Variants in TPTE2 observed in about 807,000 individuals in gnomAD.
The protein encoded by TPTE2 is phosphatidylinositol 3,4,5-trisphosphate 3-phosphatase TPTE2.
TPTE2 carries 53 observed loss-of-function variants against 78.6 expected under a neutral mutation model. That is an observed-to-expected ratio of 0.67 (90% CI 0.54 to 0.85). The LOEUF is 0.85. Among genes scored for constraint, TPTE2 ranks in the 40% least tolerant of loss-of-function variants. The pLI, the probability that TPTE2 is intolerant of heterozygous loss-of-function variation, is 0.00. For missense variants in TPTE2, 461 were observed against 623.0 expected, an observed-to-expected ratio of 0.74 and a Z score of 2.77; for synonymous variants, 175 against 206.2, an observed-to-expected ratio of 0.85 and a Z score of 1.30.
chr13:19,546,218 A>C, the TPTE2 span, among the ~76,000 whole-genome samples: 1 of 152,034 alleles, frequency 6.6e-6, no homozygotes, highest in African/African-American at 2.4e-5. Context: ...AGAAAAAAAA[A>C]CCTGTGCACG....
chr13:19,553,976 A>G, the TPTE2 span, among the ~76,000 whole-genome samples: 4 of 152,250 alleles, frequency 2.6e-5, no homozygotes, highest in African/African-American at 7.2e-5. Context: ...ATGAATAACA[A>G]TATCTATCCC....
chr13:19,529,702 C>T (rs1446513723), intron 1 of TPTE2, among the ~76,000 whole-genome samples: 4 of 152,128 alleles, frequency 2.6e-5, no homozygotes, highest in Non-Finnish European at 4.4e-5. Flanking sequence ...CAGAGTTCAG[C>T]GGCCTAAATC....
the TPTE2 span, among the ~76,000 whole-genome samples, chr13:19,559,391 C>A: frequency 6.6e-6 from 1 of 152,252 alleles, no homozygotes; most frequent in Non-Finnish European, 1.5e-5. Context: ...CCTGGCCAAA[C>A]CCAAAAATAA....
intron 7 of TPTE2, among the ~76,000 whole-genome samples, 169 bp downstream of exon 10, chr13:19,467,056 T>C (rs1879312157): frequency 1.3e-5 from 2 of 152,204 alleles, no homozygotes; most frequent in African/African-American, 4.8e-5. Flanking sequence ...AATATCACAA[T>C]CTTTTAGTTT....
At chr13:19,453,595 G>A (rs1878345059) in intron 10 of TPTE2, among the ~76,000 whole-genome samples, 1 of 147,176 alleles carries the variant, frequency 6.8e-6, no homozygotes, top group East Asian at 2.0e-4. Context: ...ATTTACTGCT[G>A]TGTTTTCTGA....
At chr13:19,463,669 G>A (rs1879082535) in intron 10 of TPTE2, among the ~76,000 whole-genome samples, 1 of 152,108 alleles carries the variant, frequency 6.6e-6, no homozygotes, top group Non-Finnish European at 1.5e-5. Context: ...GTCTCCTATA[G>A]TGTTCATTGA....
chr13:19,460,303 G>T (rs567964954), intron 10 of TPTE2, among the ~76,000 whole-genome samples: 2 of 152,210 alleles, frequency 1.3e-5, no homozygotes, highest in Non-Finnish European at 2.9e-5. Context: ...CTGGGAGTCG[G>T]GTTTCCTTTG....
the TPTE2 span, among the ~76,000 whole-genome samples, chr13:19,553,171 A>G: frequency 6.6e-6 from 1 of 152,022 alleles, no homozygotes; most frequent in Admixed American, 6.6e-5. Context: ...TCTGTGCTTA[A>G]ATGCTTTTTA....
chr13:19,478,206 C>T (rs1327411375), intron 4 of TPTE2, among the ~76,000 whole-genome samples: 1 of 152,044 alleles, frequency 6.6e-6, no homozygotes, highest in Non-Finnish European at 1.5e-5. Flanking sequence ...AAGAAACTAC[C>T]ATCAGAGTGA....
chr13:19,517,123 G>A (rs2497185), intron 1 of TPTE2, among the ~76,000 whole-genome samples: 2 of 152,152 alleles, frequency 1.3e-5, no homozygotes, highest in African/African-American at 4.8e-5. Flanking sequence ...CTTACCTACA[G>A]ATGAGACTGC....
chr13:19,435,755 G>GACAC (rs60130804), intron 15 of TPTE2, among the ~76,000 whole-genome samples: 35,661 of 137,624 alleles, frequency 0.26, 4,208 homozygotes, highest in Non-Finnish European at 0.33. Context: ...ACACAGAAAA[G>GACAC]ACACACACAC....
chr13:19,536,782 T>A (rs1871235321), upstream of TPTE2: 1 of 152,060 alleles, frequency 6.6e-6, no homozygotes, highest in Non-Finnish European at 1.5e-5. Context: ...TGCTTCCCAG[T>A]CCTTATCTGC....
chr13:19,489,497 G>A (rs2137631144), intron 3 of TPTE2, among the ~76,000 whole-genome samples: 1 of 149,510 alleles, frequency 6.7e-6, no homozygotes, highest in African/African-American at 2.5e-5. Context: ...ATATACACAT[G>A]CTCATATATA....
chr13:19,426,563 A>T (rs762721148), intron 17 of TPTE2, 46 bp from the exon 21 acceptor site: 47 of 1,141,254 alleles, frequency 4.1e-5, no homozygotes, highest in Non-Finnish European at 5.9e-5. Context: ...CTAGATAACG[A>T]TAACAAAAGT....
chr13:19,521,048 T>C (rs768992176), intron 1 of TPTE2, among the ~76,000 whole-genome samples: 33 of 152,052 alleles, frequency 2.2e-4, no homozygotes, highest in Non-Finnish European at 4.4e-4. Context: ...TGTGCACTTA[T>C]AAAGACTGTA....
chr13:19,541,717 C>A (rs1057474891), upstream of TPTE2, among the ~76,000 whole-genome samples: 1 of 152,094 alleles, frequency 6.6e-6, no homozygotes, highest in Non-Finnish European at 1.5e-5. Context: ...AATGTGTGAT[C>A]TTTTTCCTCC....
At chr13:19,434,467 G>C (rs1022562423) in intron 15 of TPTE2, among the ~76,000 whole-genome samples, 60 of 152,334 alleles carry the variant, frequency 3.9e-4, no homozygotes, top group African/African-American at 1.3e-3. Context: ...GAAACGTTTA[G>C]TTTATTGCCA....
intron 10 of TPTE2, among the ~76,000 whole-genome samples, chr13:19,451,797 G>A (rs962076065): frequency 5.5e-5 from 8 of 146,480 alleles, no homozygotes; most frequent in African/African-American, 2.0e-4. Flanking sequence ...GAAGATATAT[G>A]TGTACCTATA....
At chr13:19,553,147 TA>T in the TPTE2 span, among the ~76,000 whole-genome samples, 1 of 152,038 alleles carries the variant, frequency 6.6e-6, no homozygotes, top group South Asian at 2.1e-4. Flanking sequence ...TGCCAATGAA[TA>T]CTGAGTACTT....
Sources: allele counts gnomAD v4.1 joint callset (sites outside exome capture counted in the v4.1 genomes callset), GRCh38; gene constraint gnomAD v4.1.1; transcripts MANE v1.5; gene names NCBI Gene and HGNC (gene_info 2026-07-23, HGNC 2026-07-21).